RSU1: variants seen among roughly 807,000 people sequenced by gnomAD.
RSU1 encodes the protein Ras suppressor protein 1.
In RSU1, 26 loss-of-function variants were observed where a neutral mutation model predicts 31.1. The observed-to-expected ratio is 0.84, with a 90% CI of 0.61 to 1.16. The LOEUF is 1.16. Ranked by LOEUF, RSU1 falls within the 50% of genes most tolerant of loss-of-function variation. The pLI is 0.00. For synonymous variants in RSU1, 164 were observed against 136.3 expected, an observed-to-expected ratio of 1.20 and a Z score of -1.41; for missense variants, 320 against 339.1, an observed-to-expected ratio of 0.94 and a Z score of 0.44.
At chr10:16,674,609 A>G (rs941065336) in intron 8 of RSU1, among the ~76,000 whole-genome samples, 3 of 151,980 alleles carry the variant, frequency 2.0e-5, no homozygotes. Flanking sequence ...GAGACGATAA[A>G]ATTGGAGGCA....
At chr10:16,787,243 C>A (rs555925387) in intron 2 of RSU1, among the ~76,000 whole-genome samples, 5 of 152,270 alleles carry the variant, frequency 3.3e-5, no homozygotes, top group Admixed American at 2.0e-4. Flanking sequence ...TAAGTCTTCA[C>A]GTGAGCAGGT....
chr10:16,591,012 A>G lies in RSU1; in HGVS notation c.*2382T>C, dbSNP rs1833496271. 4 of 152,108 alleles carry G rather than the reference A, an allele frequency of 2.6e-5. No individual in the cohort carries two copies. The South Asian group carries it at 8.3e-4, about 32-fold the overall frequency. The allele number at this position is 152,108 out of a possible 1,614,324, so 9.4% of individuals were successfully genotyped here. ...GTGCAACCTCTGCCTCCCGGGTTCA[A>G]TCAATTCTCCTGCCTCAGCCTCCTG... is the stretch of plus-strand genomic sequence containing the variant. On this transcript the variant is annotated 3_prime_UTR_variant, in exon 9 of 9. Coordinates refer to ENST00000345264, the MANE Select transcript of RSU1 (RefSeq NM_012425.4).
intron 4 of RSU1, among the ~76,000 whole-genome samples, chr10:16,759,309 G>A (rs1348895921): frequency 6.6e-6 from 1 of 151,976 alleles, no homozygotes; most frequent in Non-Finnish European, 1.5e-5. Flanking sequence ...AGACCAGCCT[G>A]AGCAACATGG....
chr10:16,694,621 G>A (rs1392570531), intron 8 of RSU1, among the ~76,000 whole-genome samples: 1 of 151,976 alleles, frequency 6.6e-6, no homozygotes, highest in Admixed American at 6.6e-5. Context: ...ATCCAGGCTC[G>A]AGTGCAGGGC....
chr10:16,731,408 C>T (rs901651016), intron 7 of RSU1, among the ~76,000 whole-genome samples: 4 of 141,362 alleles, frequency 2.8e-5, no homozygotes, highest in Admixed American at 2.2e-4. Flanking sequence ...CGAGCCTGGG[C>T]GAAAGAGCGA....
At chr10:16,668,868 G>A (rs1835049305) in intron 8 of RSU1, among the ~76,000 whole-genome samples, 1 of 152,148 alleles carries the variant, frequency 6.6e-6, no homozygotes, top group Non-Finnish European at 1.5e-5. Context: ...CATGATTCCA[G>A]GCAACTATGT....
intron 7 of RSU1, among the ~76,000 whole-genome samples, chr10:16,722,910 A>T (rs1836303449): frequency 6.7e-6 from 1 of 148,834 alleles, no homozygotes; most frequent in Admixed American, 6.7e-5. Context: ...ATACACACAT[A>T]TACATATATG....
At chr10:16,804,900 C>T (rs760448419) in intron 2 of RSU1, among the ~76,000 whole-genome samples, 9 of 152,082 alleles carry the variant, frequency 5.9e-5, no homozygotes, top group Non-Finnish European at 1.0e-4. Flanking sequence ...GATACTGTAA[C>T]GGTGAATACA....
chr10:16,726,740 A>C (rs753347975), intron 7 of RSU1, among the ~76,000 whole-genome samples: 3 of 152,090 alleles, frequency 2.0e-5, no homozygotes, highest in Admixed American at 1.3e-4. Context: ...TTAGTTGCCA[A>C]AAAAATGGCC....
intron 8 of RSU1, among the ~76,000 whole-genome samples, chr10:16,631,420 G>A (rs912130171): frequency 2.0e-5 from 3 of 152,108 alleles, no homozygotes; most frequent in African/African-American, 4.8e-5. Flanking sequence ...TCAGAACCTC[G>A]GCTGTGTGTT....
intron 8 of RSU1, among the ~76,000 whole-genome samples, chr10:16,659,247 CTG>C (rs979170432): frequency 2.1e-5 from 3 of 145,766 alleles, no homozygotes; most frequent in Non-Finnish European, 3.0e-5. Context: ...CCTTTACAAT[CTG>C]TGTTTCCTTG....
chr10:16,719,495 C>T (rs927660061), intron 7 of RSU1, among the ~76,000 whole-genome samples: 51 of 152,320 alleles, frequency 3.3e-4, no homozygotes, highest in Non-Finnish European at 3.5e-4. Context: ...CAAAACGTAA[C>T]TTATTTGCTG....
chr10:16,651,605 A>C (rs1834684917), intron 8 of RSU1, among the ~76,000 whole-genome samples: 1 of 152,254 alleles, frequency 6.6e-6, no homozygotes, highest in Non-Finnish European at 1.5e-5. Flanking sequence ...GAAGAGGTGT[A>C]AATATACAAG....
chr10:16,778,107 A>G (rs1837573476), intron 3 of RSU1, among the ~76,000 whole-genome samples: 2 of 149,696 alleles, frequency 1.3e-5, no homozygotes, highest in African/African-American at 5.0e-5. Flanking sequence ...TGCAGCCTCA[A>G]ACTCCTGGGT....
intron 3 of RSU1, among the ~76,000 whole-genome samples, chr10:16,772,082 A>AT (rs753057498): frequency 2.0e-5 from 3 of 152,230 alleles, no homozygotes; most frequent in Non-Finnish European, 4.4e-5. Flanking sequence ...TCATTTTAGT[A>AT]AACAAAAATA....
intron 2 of RSU1, among the ~76,000 whole-genome samples, chr10:16,785,433 T>TATATACAC (rs1554774664): frequency 1.4e-5 from 2 of 143,324 alleles, no homozygotes; most frequent in East Asian, 2.0e-4. Flanking sequence ...TATACATATA[T>TATATACAC]ATATATACAC....
chr10:16,680,921 GGAT>G (rs1835318771), intron 8 of RSU1, among the ~76,000 whole-genome samples: 1 of 152,124 alleles, frequency 6.6e-6, no homozygotes, highest in Non-Finnish European at 1.5e-5. Flanking sequence ...TCTTAATTTT[GGAT>G]GACAACTCTA....
intron 8 of RSU1, among the ~76,000 whole-genome samples, chr10:16,615,237 G>A (rs1241742863): frequency 2.0e-5 from 3 of 151,816 alleles, no homozygotes; most frequent in Non-Finnish European, 4.4e-5. Context: ...TGCAATTCTA[G>A]TCACTGACAA....
chr10:16,791,353 G>A (rs1837907453), intron 2 of RSU1, among the ~76,000 whole-genome samples: 1 of 152,046 alleles, frequency 6.6e-6, no homozygotes, highest in Non-Finnish European at 1.5e-5. Context: ...AAAAAAACTG[G>A]GCAGGTGTGG....
Sources: gnomAD v4.1 joint callset for allele counts (sites outside exome capture counted in the v4.1 genomes callset) on GRCh38, gnomAD v4.1.1 for gene constraint, MANE v1.5 for transcripts, NCBI Gene and HGNC (gene_info 2026-07-23, HGNC 2026-07-21) for gene names.